TMEM177: variants seen among roughly 807,000 people sequenced by gnomAD.
The protein encoded by TMEM177 is transmembrane protein 177.
TMEM177 carries 4 observed loss-of-function variants against 14.2 expected under a neutral mutation model. The ratio of observed to expected loss-of-function variants is 0.28; its 90% CI spans 0.14 to 0.64. The LOEUF is 0.64. TMEM177 is among the 30% of genes least tolerant of loss of function. TMEM177 has a pLI of 0.82. For missense variants in TMEM177, 344 were observed against 405.2 expected, an observed-to-expected ratio of 0.85 and a Z score of 1.30; for synonymous variants, 179 against 174.5, an observed-to-expected ratio of 1.03 and a Z score of -0.20.
chr2:119,711,239 C>G, the TMEM177 span, among the ~76,000 whole-genome samples: 1 of 151,828 alleles, frequency 6.6e-6, no homozygotes, highest in Non-Finnish European at 1.5e-5. Flanking sequence ...TAAAAACAAC[C>G]AAAAAGCTAT....
chr2:119,697,394 C>T, the TMEM177 span, among the ~76,000 whole-genome samples: 5 of 152,246 alleles, frequency 3.3e-5, no homozygotes, highest in East Asian at 9.6e-4. Flanking sequence ...AACCCCATCT[C>T]TACTAAAAAT....
the TMEM177 span, among the ~76,000 whole-genome samples, chr2:119,718,520 C>T: frequency 4.6e-5 from 7 of 152,314 alleles, no homozygotes; most frequent in East Asian, 1.9e-4. Flanking sequence ...ATTTTCCCAA[C>T]GCCTCTGGAT....
the TMEM177 span, among the ~76,000 whole-genome samples, chr2:119,693,291 G>C: frequency 6.6e-6 from 1 of 152,306 alleles, no homozygotes; most frequent in African/African-American, 2.4e-5. Flanking sequence ...TTGGGGAGTG[G>C]GTTTGACGCA....
Position 119,681,882 on chromosome 2 carries a change from A to G in TMEM177, c.*93A>G. The G allele has an allele frequency of 8.0e-7, 1 of 1,251,288 alleles. No individual in the cohort carries two copies. Among genetic ancestry groups the G allele is most frequent in the Non-Finnish European group, 1.1e-6 (1 of 890,580 alleles). The allele number at this position is 1,251,288 out of a possible 1,614,324, so 77.5% of individuals were successfully genotyped here. A position where few individuals can be genotyped will look rare whatever the true frequency, so the allele number is the denominator to read the frequency against. ...GTTGGAGCCTTTGGACCTATAGCTC[A>G]CGGCCAGAAAAATCACTGGCTTTGG... On this transcript the variant is annotated 3_prime_UTR_variant, in exon 2 of 2. Coordinates refer to ENST00000272521, the MANE Select transcript of TMEM177 (RefSeq NM_030577.3).
chr2:119,719,843 GTGTAC>G, the TMEM177 span, among the ~76,000 whole-genome samples: 4 of 152,174 alleles, frequency 2.6e-5, no homozygotes. Flanking sequence ...ACCCAGGCTG[GTGTAC>G]AGTGGTGCAA....
At chr2:119,702,968 G>A in the TMEM177 span, among the ~76,000 whole-genome samples, 6 of 152,184 alleles carry the variant, frequency 3.9e-5, no homozygotes, top group African/African-American at 1.2e-4. Context: ...TCCTGTGACC[G>A]GGCAGGAGCC....
intron 1 of TMEM177, among the ~76,000 whole-genome samples, chr2:119,679,925 C>T (rs914271372): frequency 6.6e-6 from 1 of 152,168 alleles, no homozygotes; most frequent in Admixed American, 6.5e-5. Context: ...GACTGGGTGG[C>T]CCAACCAGCA....
At chr2:119,695,042 C>T in the TMEM177 span, among the ~76,000 whole-genome samples, 1 of 152,166 alleles carries the variant, frequency 6.6e-6, no homozygotes, top group Admixed American at 6.5e-5. Flanking sequence ...TGGGTCTTTA[C>T]AGCTCAGTGT....
chr2:119,706,942 C>T, the TMEM177 span, among the ~76,000 whole-genome samples: 13 of 151,970 alleles, frequency 8.6e-5, no homozygotes, highest in Admixed American at 2.6e-4. Flanking sequence ...GAAGGAGTCT[C>T]GCACTGTCAC....
chr2:119,717,054 A>G, the TMEM177 span, among the ~76,000 whole-genome samples: 6 of 152,328 alleles, frequency 3.9e-5, no homozygotes, highest in Admixed American at 2.0e-4. Flanking sequence ...TATGGTTAAT[A>G]CAAAAGGGAC....
downstream of TMEM177, among the ~76,000 whole-genome samples, chr2:119,689,258 G>A (rs1465659252): frequency 6.6e-6 from 1 of 152,178 alleles, no homozygotes; most frequent in Non-Finnish European, 1.5e-5. Flanking sequence ...AGGTCCTGGG[G>A]ACACTTGCTG....
chr2:119,710,905 C>G, the TMEM177 span, among the ~76,000 whole-genome samples: 1 of 152,202 alleles, frequency 6.6e-6, no homozygotes, highest in Non-Finnish European at 1.5e-5. Flanking sequence ...CCACCACGCC[C>G]GGCCCAACAC....
chr2:119,707,701 GACAA>G, the TMEM177 span, among the ~76,000 whole-genome samples: 19 of 152,198 alleles, frequency 1.2e-4, no homozygotes, highest in Non-Finnish European at 2.4e-4. Context: ...GTAGAGATGA[GACAA>G]ACAAACAAAA....
the TMEM177 span, among the ~76,000 whole-genome samples, chr2:119,696,090 T>C: frequency 6.6e-5 from 10 of 152,256 alleles, no homozygotes; most frequent in African/African-American, 9.6e-5. Flanking sequence ...GACCATCTCA[T>C]CTCTGTGGCT....
chr2:119,703,535 A>T, the TMEM177 span, among the ~76,000 whole-genome samples: 2 of 152,230 alleles, frequency 1.3e-5, no homozygotes, highest in Non-Finnish European at 2.9e-5. Context: ...TTTAGCAGTT[A>T]AAAACCCTGG....
chr2:119,705,383 G>C, the TMEM177 span, among the ~76,000 whole-genome samples: 1 of 152,194 alleles, frequency 6.6e-6, no homozygotes, highest in African/African-American at 2.4e-5. Context: ...ACACGCTGTT[G>C]AGTAGCCTCA....
In TMEM177 at chr2:119,681,586, G is replaced by A. The variant is rs1688904858; in HGVS notation, c.733G>A (p.Gly245Ser). ...TASLSAAYAC[G>S]GVEFYEKLLS... ...CTCCCTCTCTGCAGCCTATGCCTGT[G>A]GTGGAGTGGAGTTCTATGAGAAGCT... is the stretch of plus-strand genomic sequence containing the variant. The change falls in exon 2 of 2, where the codon GGT (glycine) becomes AGT (serine). Residue 245 changes from glycine to serine, a missense_variant. Physicochemically the swap from Gly to Ser is moderately conservative, Grantham distance 56 (BLOSUM62 0). Coordinates refer to ENST00000272521, the MANE Select transcript of TMEM177 (RefSeq NM_030577.3). 2 of 1,614,250 alleles carry A rather than the reference G, an allele frequency of 1.2e-6. No homozygotes were observed. The highest frequency in any genetic ancestry group is 3.3e-4 in the Middle Eastern group (2 of 6,062).
At chr2:119,715,543 T>A in the TMEM177 span, among the ~76,000 whole-genome samples, 3 of 152,126 alleles carry the variant, frequency 2.0e-5, no homozygotes, top group Admixed American at 2.0e-4. Context: ...GATCCCCGCC[T>A]CTGGAAGCCT....
At chr2:119,688,773 T>TG (rs1418837059), downstream of TMEM177, among the ~76,000 whole-genome samples, 2 of 152,194 alleles carry the variant, frequency 1.3e-5, no homozygotes, top group Non-Finnish European at 2.9e-5. Flanking sequence ...CCTGCATTCT[T>TG]GGGGCATGGC....
Sources: allele counts gnomAD v4.1 joint callset (sites outside exome capture counted in the v4.1 genomes callset), GRCh38; gene constraint gnomAD v4.1.1; transcripts MANE v1.5; gene names NCBI Gene and HGNC (gene_info 2026-07-23, HGNC 2026-07-21).